ACOT7: variants seen among roughly 807,000 people sequenced by gnomAD.
The protein encoded by ACOT7 is acyl-CoA thioesterase 7, also known as cytosolic acyl coenzyme A thioester hydrolase.
In ACOT7, 12 loss-of-function variants were observed where a neutral mutation model predicts 40.2. The ratio of observed to expected loss-of-function variants is 0.30; its 90% CI spans 0.19 to 0.48. The LOEUF (loss-of-function observed/expected upper bound fraction) is 0.48, where lower values mean the gene tolerates loss of function less well. ACOT7 is among the 20% of genes least tolerant of loss of function. The probability of loss-of-function intolerance (pLI) is 0.99; values close to 1 mark genes in which losing one functional copy is unlikely to be tolerated. For synonymous variants in ACOT7, 228 were observed against 219.5 expected (o/e 1.04, Z -0.34); for missense variants, 395 against 530.8 (o/e 0.74, Z 2.51).
intron 4 of ACOT7, among the ~76,000 whole-genome samples, chr1:6,328,916 C>T (rs571964354): frequency 6.6e-6 from 1 of 152,200 alleles, no homozygotes; most frequent in African/African-American, 2.4e-5. Flanking sequence ...CTGCTCCATC[C>T]CCCACGACCT....
At chr1:6,335,986 G>A (rs1641090297) in intron 3 of ACOT7, among the ~76,000 whole-genome samples, 4 of 152,148 alleles carry the variant, frequency 2.6e-5, no homozygotes. Flanking sequence ...AGCAAATGAG[G>A]CAAACATGCT....
chr1:6,282,127 G>A lies in ACOT7; in HGVS notation c.830-841C>T, dbSNP rs961489597. 6.6e-6 allele frequency among the ~76,000 whole-genome samples: 1 copy of A among 152,026 alleles called. No individual in the cohort carries two copies. The highest frequency in any genetic ancestry group is 1.5e-5 in the Non-Finnish European group (1 of 67,996). ...TCCCCAGGGCACGACAGTCCATCCT[G>A]GCAGAAGCTTCCTGACCCAGAGCTG... On this transcript the variant is annotated intron_variant, in intron 7 of 8. Transcript: ENST00000361521. The surrounding 1 kb of genome is among the most constrained non-coding windows in gnomAD (Gnocchi z 4.5).
intron 6 of ACOT7, among the ~76,000 whole-genome samples, chr1:6,300,201 A>T (rs1639928167): frequency 6.6e-6 from 1 of 152,162 alleles, no homozygotes; most frequent in Non-Finnish European, 1.5e-5. Flanking sequence ...CAAATGAGCC[A>T]GGGACAAGCA....
In ACOT7 at chr1:6,359,654, CCAAA is replaced by C. The variant is rs1466742730; in HGVS notation, c.144-9792_144-9789del. ...TGGGTGTCAGGAAGAAAGAAAGAGGCCAAACAATCACAGCGGCCAGGGTGCAGGC... is the reference window on the plus strand; with the variant it reads ...TGGGTGTCAGGAAGAAAGAAAGAGGCCAATCACAGCGGCCAGGGTGCAGGC... On this transcript the variant is annotated intron_variant, in intron 1 of 8. Coordinates refer to ENST00000361521, the MANE Select transcript of ACOT7 (RefSeq NM_007274.4). The surrounding 1 kb of genome is among the most constrained non-coding windows in gnomAD (Gnocchi z 4.1). 2.0e-5 allele frequency among the ~76,000 whole-genome samples: 3 copies of C among 152,218 alleles called. No individual in the cohort carries two copies. Among genetic ancestry groups the C allele is most frequent in the Non-Finnish European group, 2.9e-5 (2 of 68,040 alleles).
intron 7 of ACOT7, among the ~76,000 whole-genome samples, chr1:6,293,992 C>T (rs1639741999): frequency 6.6e-6 from 1 of 152,164 alleles, no homozygotes. Context: ...GGAGCTGTGG[C>T]AAGGAGAGCC....
chr1:6,384,619 A>G (rs907025098), intron 1 of ACOT7, among the ~76,000 whole-genome samples: 1 of 151,872 alleles, frequency 6.6e-6, no homozygotes, highest in Admixed American at 6.6e-5. Context: ...AAAGTCTGGC[A>G]CTACCTTCTG....
intron 8 of ACOT7, 86 bp downstream of exon 8, chr1:6,281,016 G>T: frequency 6.6e-7 from 1 of 1,510,996 alleles, no homozygotes; most frequent in Admixed American, 1.9e-5. Context: ...ACTCATGCAG[G>T]CACAGATTCC....
rs1448773322 is a variant in ACOT7 at position 6,264,519 on chromosome 1, AG to A, written c.*77del. The A allele has an allele frequency of 1.4e-5, 20 of 1,410,462 alleles. No homozygotes were observed. Among genetic ancestry groups the A allele is most frequent in the East Asian group, 1.2e-4 (5 of 41,456 alleles). 87.4% of individuals were successfully genotyped at this position (1,410,462 alleles called of 1,614,324 possible). On this transcript the variant is annotated 3_prime_UTR_variant, in exon 9 of 9. Transcript: ENST00000361521. The stretch of plus-strand genomic sequence containing the variant: ...TCAATGTGAATTGGGTTTTTGGCCA[AG>A]GGGGGAACTTCTAAGTGACTGGACA...
intron 1 of ACOT7, among the ~76,000 whole-genome samples, chr1:6,370,958 C>T (rs1323655089): frequency 6.6e-6 from 1 of 151,694 alleles, no homozygotes; most frequent in Non-Finnish European, 1.5e-5. Flanking sequence ...TTATAGGCGC[C>T]TGCCACTGCG....
chr1:6,298,545 A>C (rs940115141), intron 6 of ACOT7, among the ~76,000 whole-genome samples: 1 of 152,188 alleles, frequency 6.6e-6, no homozygotes, highest in African/African-American at 2.4e-5. Context: ...CCGGGAAAAT[A>C]GCTGTTTGGC....
intron 2 of ACOT7, among the ~76,000 whole-genome samples, chr1:6,348,335 T>TACAC (rs149269586): frequency 1.3e-5 from 2 of 150,522 alleles, no homozygotes; most frequent in African/African-American, 4.9e-5. Context: ...CATACGCAGA[T>TACAC]ACACACACAC....
intron 8 of ACOT7, among the ~76,000 whole-genome samples, chr1:6,277,183 C>A (rs1639221105): frequency 6.6e-6 from 1 of 152,222 alleles, no homozygotes; most frequent in Admixed American, 6.5e-5. Flanking sequence ...TCCCTGAGAG[C>A]CCATGGATCG....
chr1:6,347,659 C>T (rs949405075), intron 2 of ACOT7, among the ~76,000 whole-genome samples: 1 of 151,800 alleles, frequency 6.6e-6, no homozygotes, highest in Admixed American at 6.6e-5. Context: ...CCCAGCTGCT[C>T]GGGAAGCTGA....
intron 3 of ACOT7, among the ~76,000 whole-genome samples, chr1:6,339,096 C>T (rs1411591914): frequency 6.6e-6 from 1 of 152,190 alleles, no homozygotes. Flanking sequence ...GTGGATGGTG[C>T]GTACCGGCCT....
intron 3 of ACOT7, among the ~76,000 whole-genome samples, chr1:6,337,336 C>G (rs1047725975): frequency 6.6e-6 from 1 of 152,254 alleles, no homozygotes; most frequent in Admixed American, 6.5e-5. Flanking sequence ...GCCTCTCCCC[C>G]TCTCAGCCCC....
intron 7 of ACOT7, among the ~76,000 whole-genome samples, chr1:6,293,541 A>C (rs1639730243): frequency 6.6e-6 from 1 of 152,180 alleles, no homozygotes; most frequent in South Asian, 2.1e-4. Flanking sequence ...AAAAAATACA[A>C]AATACAAAAA....
intron 4 of ACOT7, among the ~76,000 whole-genome samples, chr1:6,331,747 TA>T (rs961602024): frequency 1.2e-3 from 180 of 149,934 alleles, no homozygotes; most frequent in African/African-American, 4.3e-3. Flanking sequence ...TCACCAAGAT[TA>T]AAAAAAAACA....
chr1:6,330,607 T>C lies in ACOT7; in HGVS notation c.510+2870A>G, dbSNP rs1640928622. On this transcript the variant is annotated intron_variant, in intron 4 of 8. Transcript: ENST00000361521. This position sits in a 1 kb window ranked among gnomAD's most constrained non-coding sequence, Gnocchi z 4.6. ...AGGAAATGAAAAAGCAACTGGGAGC[T>C]CCTCCAGGATGTGGGAGGGAGGGAG... 6.6e-6 allele frequency among the ~76,000 whole-genome samples: 1 copy of C among 152,074 alleles called. No individual in the cohort carries two copies. Among genetic ancestry groups the C allele is most frequent in the Non-Finnish European group, 1.5e-5 (1 of 68,006 alleles).
intron 1 of ACOT7, among the ~76,000 whole-genome samples, chr1:6,374,676 G>A (rs1043143273): frequency 4.6e-5 from 7 of 152,170 alleles, no homozygotes; most frequent in Non-Finnish European, 7.4e-5. Context: ...AGGTCACTGC[G>A]CCTGGAGGGC....
Sources: allele counts gnomAD v4.1 joint callset (sites outside exome capture counted in the v4.1 genomes callset), GRCh38; gene constraint gnomAD v4.1.1; non-coding constraint Gnocchi (gnomAD v3.1); transcripts MANE v1.5; gene names NCBI Gene and HGNC (gene_info 2026-07-23, HGNC 2026-07-21).